The following IFT52 variants were observed in gnomAD, a reference collection of about 807,000 sequenced individuals.
IFT52 encodes intraflagellar transport protein 52 homolog.
Under a neutral mutation model 54.4 loss-of-function variants are expected in IFT52, and 44 were observed. The observed-to-expected ratio is 0.81, with a 90% CI of 0.63 to 1.04. The LOEUF is 1.04. Among genes scored for constraint, IFT52 ranks in the 50% least tolerant of loss-of-function variants. The pLI, the probability that IFT52 is intolerant of heterozygous loss-of-function variation, is 0.00. For missense variants in IFT52, 452 were observed against 523.6 expected (o/e 0.86, Z 1.33); for synonymous variants, 181 against 185.3 (o/e 0.98, Z 0.19).
intron 10 of IFT52, among the ~76,000 whole-genome samples, chr20:43,632,628 G>A (rs542485167): frequency 6.6e-6 from 1 of 152,090 alleles, no homozygotes; most frequent in African/African-American, 2.4e-5. Flanking sequence ...TGTAAGTTCC[G>A]TGATGGCCTG....
rs367996857 is a variant in IFT52, at chr20:43,623,936, C to A, written c.814C>A (p.Arg272=). The stretch of plus-strand genomic sequence containing the variant: ...GCCCTACACAGCCACCCTATCAAAG[C>A]GGAATCGAGAGTGTCTCCAGGAGAG... ...MLPYTATLSK[R]NRECLQESDE... is the part of the protein sequence containing the mutation. Residue 272 remains arginine, a synonymous_variant, in exon 10 of 14, where the codon CGG becomes AGG. Coordinates refer to ENST00000373030, the MANE Select transcript of IFT52 (RefSeq NM_016004.5). 4 of 1,614,030 alleles carry A rather than the reference C, an allele frequency of 2.5e-6. No individual in the cohort carries two copies. In the African/African-American group the frequency reaches 4.0e-5, roughly 16 times the overall value.
chr20:43,599,234 C>T (rs564615125), intron 3 of IFT52, among the ~76,000 whole-genome samples: 1 of 152,232 alleles, frequency 6.6e-6, no homozygotes, highest in South Asian at 2.1e-4. Flanking sequence ...ATCCACCTAG[C>T]GAAGCCAATG....
Position 43,623,190 on chromosome 20 carries a change from A to G in IFT52, c.769-701A>G, listed in dbSNP as rs115310881. 7.2e-3 allele frequency among the ~76,000 whole-genome samples: 1,091 copies of G among 152,158 alleles called. 8 individuals are homozygous for G. The highest frequency in any genetic ancestry group is 0.025 in the African/African-American group (1,032 of 41,510). On this transcript the variant is annotated intron_variant, in intron 9 of 13. Transcript: ENST00000373030. Reference sequence around the variant, plus strand: ...GCTAAAATGGTGAAAGGGAAAACCAATTTTTTTGTTTTGAGACAAAGTCTT... The same window carrying G: ...GCTAAAATGGTGAAAGGGAAAACCAGTTTTTTTGTTTTGAGACAAAGTCTT...
intron 9 of IFT52, among the ~76,000 whole-genome samples, chr20:43,621,461 T>C (rs966178583): frequency 5.9e-5 from 9 of 152,120 alleles, no homozygotes; most frequent in Non-Finnish European, 1.2e-4. Context: ...AAAAAAATTT[T>C]TTATTGTATT....
intron 3 of IFT52, among the ~76,000 whole-genome samples, chr20:43,601,597 T>G (rs1982446586): frequency 6.6e-6 from 1 of 152,232 alleles, no homozygotes; most frequent in South Asian, 2.1e-4. Context: ...CAATAACTAC[T>G]ATATACTCAT....
At chr20:43,642,927 G>A (rs1222348506) in intron 13 of IFT52, among the ~76,000 whole-genome samples, 1 of 152,146 alleles carries the variant, frequency 6.6e-6, no homozygotes, top group Non-Finnish European at 1.5e-5. Context: ...AACACTTTGG[G>A]AGGCTGAGGT....
At chr20:43,601,705 T>C (rs919580559) in intron 3 of IFT52, among the ~76,000 whole-genome samples, 1 of 152,168 alleles carries the variant, frequency 6.6e-6, no homozygotes, top group African/African-American at 2.4e-5. Flanking sequence ...TGAGAATATA[T>C]ATTGCAAACT....
chr20:43,615,417 T>G (rs756154528), intron 7 of IFT52, among the ~76,000 whole-genome samples: 9 of 152,218 alleles, frequency 5.9e-5, no homozygotes, highest in Non-Finnish European at 1.2e-4. Flanking sequence ...CCAGCTGATC[T>G]CCTAATTTTT....
At chr20:43,634,575 G>A (rs988148982) in intron 10 of IFT52, among the ~76,000 whole-genome samples, 5 of 151,540 alleles carry the variant, frequency 3.3e-5, no homozygotes, top group African/African-American at 1.2e-4. Flanking sequence ...TGTAATCTAT[G>A]TAAGTTAGAA....
chr20:43,635,991 C>T lies in IFT52; in HGVS notation c.989C>T (p.Pro330Leu), dbSNP rs752957710. 9.9e-6 allele frequency: 16 copies of T among 1,614,050 alleles called. No individual in the cohort carries two copies. The highest frequency in any genetic ancestry group is 1.7e-5 in the Admixed American group (1 of 59,998). Residue 330 changes from proline to leucine, a missense_variant, in exon 11 of 14, where the codon CCG becomes CTG. By Grantham distance (98) the Pro-to-Leu change is moderately conservative. Coordinates refer to ENST00000373030, the MANE Select transcript of IFT52 (RefSeq NM_016004.5). ...CTCATCCAGCCTCAGTTTGAGACGCCGCTGCCAACCCTTCAGCCTGCGGTG... is the reference window on the plus strand; with the variant it reads ...CTCATCCAGCCTCAGTTTGAGACGCTGCTGCCAACCCTTCAGCCTGCGGTG... ...LQLIQPQFET[P>L]LPTLQPAVFP... is the part of the protein sequence containing the mutation.
chr20:43,611,866 C>G (rs1983475869), intron 6 of IFT52, among the ~76,000 whole-genome samples: 1 of 151,232 alleles, frequency 6.6e-6, no homozygotes, highest in Non-Finnish European at 1.5e-5. Context: ...CCCATCTTTA[C>G]TAAAAGTACA....
chr20:43,614,328 G>A (rs1185357809), intron 7 of IFT52, among the ~76,000 whole-genome samples: 1 of 150,694 alleles, frequency 6.6e-6, no homozygotes, highest in Admixed American at 6.6e-5. Flanking sequence ...TCCACCTCCC[G>A]GGTTCACGCC....
intron 5 of IFT52, 44 bp downstream of exon 5, chr20:43,604,302 C>T (rs1601030826): frequency 2.9e-6 from 4 of 1,390,938 alleles, no homozygotes; most frequent in Middle Eastern, 1.9e-4. Flanking sequence ...GGCATCGTCG[C>T]TCACACCTGT....
chr20:43,621,393 G>A (rs538278092), intron 9 of IFT52, among the ~76,000 whole-genome samples: 17 of 152,136 alleles, frequency 1.1e-4, no homozygotes, highest in South Asian at 6.2e-4. Context: ...AATCACCACC[G>A]GCTCTTGGAC....
At chr20:43,608,469 A>G (rs1225470532) in intron 6 of IFT52, among the ~76,000 whole-genome samples, 1 of 151,784 alleles carries the variant, frequency 6.6e-6, no homozygotes, top group Non-Finnish European at 1.5e-5. Context: ...TGTGAACTTC[A>G]TGTTCATTGC....
chr20:43,642,513 G>C lies in IFT52; in HGVS notation c.1155G>C (p.Lys385Asn). The change falls in exon 13 of 14, where the codon AAG becomes AAC. Residue 385 changes from lysine to asparagine, a missense_variant. Transcript: ENST00000373030. ...AAGACCTGGAATTTTATGTCAGGAA[G>C]TGTGGTGATATTCTTGGAGTAACCA... ...TEEDLEFYVR[K>N]CGDILGVTSK... 1 of 1,614,136 alleles carries C rather than the reference G, an allele frequency of 6.2e-7. No individual in the cohort carries two copies. Among genetic ancestry groups the C allele is most frequent in the Non-Finnish European group, 8.5e-7 (1 of 1,179,976 alleles).
At position 43,646,957 on chromosome 20, in the gene IFT52, G is replaced by T. The variant is rs1300822451; in HGVS notation, c.1288G>T (p.Glu430Ter). Reference protein sequence around the residue: ...LNQEHDIDTSETAFQNNF With the variant: ...LNQEHDIDTS ...CCAGGAACATGACATCGATACAAGT[G>T]AAACAGCATTCCAGAACAATTTCTG... The change falls in exon 14 of 14, where the codon GAA (glutamate) becomes TAA (stop). Residue 430 changes from glutamate to a stop codon, truncating the protein, a stop_gained. Transcript: ENST00000373030. LOFTEE classifies it high-confidence loss of function. The T allele has an allele frequency of 3.1e-6, 5 of 1,613,874 alleles. No individual in the cohort carries two copies. Among genetic ancestry groups the T allele is most frequent in the Middle Eastern group, 1.7e-4 (1 of 6,060 alleles).
In IFT52 at chr20:43,635,980, G is replaced by C; in HGVS notation, c.978G>C (p.Gln326His). 6.2e-7 allele frequency: 1 copy of C among 1,614,210 alleles called. No homozygotes were observed. The highest frequency in any genetic ancestry group is 8.5e-7 in the Non-Finnish European group (1 of 1,180,026). The change falls in exon 11 of 14, where the codon CAG becomes CAC. Residue 326 changes from glutamine to histidine, a missense_variant. Coordinates refer to ENST00000373030, the MANE Select transcript of IFT52 (RefSeq NM_016004.5). The part of the protein sequence containing the change: ...KHEPLQLIQP[Q>H]FETPLPTLQP... ...AACCACTCCAGCTCATCCAGCCTCAGTTTGAGACGCCGCTGCCAACCCTTC... is the reference window on the plus strand; with the variant it reads ...AACCACTCCAGCTCATCCAGCCTCACTTTGAGACGCCGCTGCCAACCCTTC...
chr20:43,594,178 C>A (rs1482165821), intron 1 of IFT52, among the ~76,000 whole-genome samples: 1 of 151,914 alleles, frequency 6.6e-6, no homozygotes, highest in African/African-American at 2.4e-5. Flanking sequence ...CATGGTGACA[C>A]GTGCCTGTAA....
Sources: gnomAD v4.1 joint callset for allele counts (sites outside exome capture counted in the v4.1 genomes callset) on GRCh38, gnomAD v4.1.1 for gene constraint, MANE v1.5 for transcripts, NCBI Gene and HGNC (gene_info 2026-07-23, HGNC 2026-07-21) for gene names.